Variants in MEF2A observed in about 807,000 individuals in gnomAD.
MEF2A encodes myocyte enhancer factor 2A.
A neutral mutation model predicts 55.8 loss-of-function variants in MEF2A; 28 were observed. The ratio of observed to expected loss-of-function variants is 0.50; its 90% CI spans 0.37 to 0.69. The LOEUF (loss-of-function observed/expected upper bound fraction) is 0.69, where lower values mean the gene tolerates loss of function less well. Among genes scored for constraint, MEF2A ranks in the 30% least tolerant of loss-of-function variants. The probability of loss-of-function intolerance (pLI) is 0.00; values close to 1 mark genes in which losing one functional copy is unlikely to be tolerated. For synonymous variants in MEF2A, 239 were observed against 227.1 expected, an observed-to-expected ratio of 1.05 and a Z score of -0.47; for missense variants, 528 against 626.2, an observed-to-expected ratio of 0.84 and a Z score of 1.67.
chr15:99,681,837 A>T (rs2053308273), intron 7 of MEF2A: 1 of 152,186 alleles, frequency 6.6e-6, no homozygotes, highest in Non-Finnish European at 1.5e-5. Flanking sequence ...TAGAACAAGG[A>T]GTTGGATAAG....
At chr15:99,703,837 C>T (rs146416582) in intron 9 of MEF2A, among the ~76,000 whole-genome samples, 13 of 152,274 alleles carry the variant, frequency 8.5e-5, no homozygotes, top group African/African-American at 3.1e-4. Context: ...GGAATTATTT[C>T]ATCCTGCATG....
chr15:99,705,287 A>G (rs2057896371), intron 9 of MEF2A, among the ~76,000 whole-genome samples: 2 of 152,198 alleles, frequency 1.3e-5, no homozygotes, highest in African/African-American at 4.8e-5. Flanking sequence ...GAATAAAAAT[A>G]TGTATCTTTT....
intron 8 of MEF2A, among the ~76,000 whole-genome samples, chr15:99,694,836 C>A (rs946292536): frequency 6.6e-5 from 10 of 152,242 alleles, no homozygotes; most frequent in Admixed American, 5.2e-4. Flanking sequence ...CCATTTATTT[C>A]TATCAATATG....
intron 2 of MEF2A, among the ~76,000 whole-genome samples, chr15:99,608,624 C>G (rs563442219): frequency 6.6e-6 from 1 of 152,086 alleles, no homozygotes; most frequent in South Asian, 2.1e-4. Flanking sequence ...TTTGGGCGAG[C>G]GTGGTGGCTC....
At chr15:99,702,264 T>C (rs1406984075) in intron 8 of MEF2A, among the ~76,000 whole-genome samples, 2 of 152,174 alleles carry the variant, frequency 1.3e-5, no homozygotes, top group Non-Finnish European at 2.9e-5. Flanking sequence ...AGAGAAACCT[T>C]CTTCCAGATT....
At chr15:99,640,299 T>A (rs2044646225) in intron 3 of MEF2A, among the ~76,000 whole-genome samples, 1 of 152,200 alleles carries the variant, frequency 6.6e-6, no homozygotes, top group South Asian at 2.1e-4. Flanking sequence ...ATTTTATTGA[T>A]TTAATAATAC....
chr15:99,668,202 G>A (rs970447336), intron 4 of MEF2A, among the ~76,000 whole-genome samples: 6 of 152,106 alleles, frequency 3.9e-5, no homozygotes, highest in African/African-American at 1.4e-4. Flanking sequence ...GAAAAATATA[G>A]GTGTGTTAAT....
rs1252860345 is a variant in MEF2A, at chr15:99,601,184, AATTG to A, written c.-143+2680_-143+2683del. Among the ~76,000 whole-genome samples the A allele has an allele frequency of 9.8e-5, 15 of 152,300 alleles. No homozygotes were observed. The East Asian group carries it at 2.9e-3, about 29-fold the overall frequency. On this transcript the variant is annotated intron_variant, in intron 2 of 11. Coordinates refer to ENST00000557942, the MANE Select transcript of MEF2A (RefSeq NM_001319206.4). ...GGAATTTAAAAGAATATCAGTTTCC[AATTG>A]ATTGATGCTAGTCTACAGAGATAGA...
intron 10 of MEF2A, among the ~76,000 whole-genome samples, chr15:99,708,208 AC>A (rs1169361181): frequency 2.0e-5 from 3 of 152,210 alleles, no homozygotes; most frequent in Non-Finnish European, 4.4e-5. Flanking sequence ...GGCAGGACAT[AC>A]CTAAGTGGGT....
In MEF2A at chr15:99,712,883, A is replaced by G. The variant is rs1294457921; in HGVS notation, c.*112A>G. The stretch of plus-strand genomic sequence containing the variant: ...TATATTTATATGTACATACATATAT[A>G]TATCCCTTTACATATATATGTATGT... On this transcript the variant is annotated 3_prime_UTR_variant, in exon 12 of 12. Coordinates refer to ENST00000557942, the MANE Select transcript of MEF2A (RefSeq NM_001319206.4). The surrounding 1 kb of genome is among the most constrained non-coding windows in gnomAD (Gnocchi z 4.1). 4 of 1,157,140 alleles carry G rather than the reference A, an allele frequency of 3.5e-6. No homozygotes were observed. In the Admixed American group the frequency reaches 7.9e-5, roughly 23 times the overall value. The allele number at this position is 1,157,140 out of a possible 1,614,324, so 71.7% of individuals were successfully genotyped here.
chr15:99,600,877 G>A (rs931961151), intron 2 of MEF2A, among the ~76,000 whole-genome samples: 2 of 151,968 alleles, frequency 1.3e-5, no homozygotes, highest in Admixed American at 6.6e-5. Context: ...TTCTATTCTG[G>A]ATCCTTTTTA....
At chr15:99,671,706 T>A in intron 5 of MEF2A, 1 of 1,453,734 alleles carries the variant, frequency 6.9e-7, no homozygotes, top group Non-Finnish European at 9.1e-7. Context: ...ATGAAGAGAT[T>A]GACCAAACAT....
chr15:99,607,018 T>C (rs911789351), intron 2 of MEF2A, among the ~76,000 whole-genome samples: 14 of 152,158 alleles, frequency 9.2e-5, no homozygotes, highest in African/African-American at 3.4e-4. Context: ...TGGATAAATA[T>C]CACAAGATGT....
At chr15:99,601,810 TGTGTGTGTGTGTGTGTG>T (rs150111349) in intron 2 of MEF2A, among the ~76,000 whole-genome samples, 37 of 2,336 alleles carry the variant, frequency 0.016, no homozygotes, top group African/African-American at 0.017. Context: ...GTCTGTTTTG[TGTGTGTGTGTGTGTGTG>T]TGTGTGTGTG....
At chr15:99,613,732 T>A (rs1477450272) in intron 2 of MEF2A, among the ~76,000 whole-genome samples, 3 of 152,188 alleles carry the variant, frequency 2.0e-5, no homozygotes, top group Non-Finnish European at 4.4e-5. Flanking sequence ...TTAAATTAGC[T>A]GATAAGTGCT....
intron 4 of MEF2A, among the ~76,000 whole-genome samples, chr15:99,646,124 T>C (rs2045928845): frequency 6.6e-6 from 1 of 152,144 alleles, no homozygotes; most frequent in Non-Finnish European, 1.5e-5. Flanking sequence ...CATTATGTCA[T>C]TGACAGCTCA....
At chr15:99,589,917 T>TA (rs1479093911) in intron 1 of MEF2A, among the ~76,000 whole-genome samples, 1 of 152,140 alleles carries the variant, frequency 6.6e-6, no homozygotes, top group African/African-American at 2.4e-5. Flanking sequence ...TGGTCCAGCA[T>TA]ATGTTCTTTG....
chr15:99,708,774 GTC>G (rs1473483634), intron 10 of MEF2A, among the ~76,000 whole-genome samples: 2 of 152,218 alleles, frequency 1.3e-5, no homozygotes, highest in Non-Finnish European at 2.9e-5. Flanking sequence ...CAAGGGCTGT[GTC>G]TCAGCTCGGA....
At position 99,675,385 on chromosome 15, in the gene MEF2A, C is replaced by T. The variant is rs770680352; in HGVS notation, c.611-14C>T. 15 of 1,612,766 alleles carry T rather than the reference C, an allele frequency of 9.3e-6. No homozygotes were observed. Among genetic ancestry groups the T allele is most frequent in the East Asian group, 2.2e-5 (1 of 44,876 alleles). On this transcript the variant is annotated splice_polypyrimidine_tract_variant and intron_variant, in intron 6 of 11. Transcript: ENST00000557942. ...CATTCTCTGCCCTCTGTCTTCTCTCCGTAACGTTGTTAGGTGGGATGTTGA... is the reference window on the plus strand; with the variant it reads ...CATTCTCTGCCCTCTGTCTTCTCTCTGTAACGTTGTTAGGTGGGATGTTGA...
Sources: allele counts gnomAD v4.1 joint callset (sites outside exome capture counted in the v4.1 genomes callset), GRCh38; gene constraint gnomAD v4.1.1; non-coding constraint Gnocchi (gnomAD v3.1); transcripts MANE v1.5; gene names NCBI Gene and HGNC (gene_info 2026-07-23, HGNC 2026-07-21).